Variants in SAXO4 observed in about 807,000 individuals in gnomAD.
SAXO4 encodes the protein stabilizer of axonemal microtubules 4.
the SAXO4 span, chr11:61,490,517 G>A: frequency 6.2e-7 from 1 of 1,614,108 alleles, no homozygotes; most frequent in South Asian, 1.1e-5. Flanking sequence ...GACCTCAGCT[G>A]ACCCCTTCTA....
the SAXO4 span, chr11:61,487,122 C>T: frequency 2.5e-6 from 4 of 1,611,746 alleles, no homozygotes; most frequent in Non-Finnish European, 3.4e-6. Context: ...CTTGACAATT[C>T]CCCTGTCTAC....
the SAXO4 span, chr11:61,482,353 C>A: frequency 2.2e-5 from 36 of 1,614,062 alleles, no homozygotes; most frequent in South Asian, 3.7e-4. Context: ...CACGTAGGCA[C>A]CGGCTACAAA....
chr11:61,481,810 A>G, the SAXO4 span: 1 of 1,515,166 alleles, frequency 6.6e-7, no homozygotes, highest in African/African-American at 1.5e-5. Context: ...CCACAGCATC[A>G]TGATGGGGAA....
chr11:61,486,671 G>A, the SAXO4 span: 1 of 1,485,224 alleles, frequency 6.7e-7, no homozygotes, highest in Non-Finnish European at 9.4e-7. Context: ...CTGGGAAGAG[G>A]TGGCATTTGG....
At chr11:61,481,992 C>A in the SAXO4 span, 2 of 1,057,342 alleles carry the variant, frequency 1.9e-6, no homozygotes, top group Non-Finnish European at 2.8e-6. Flanking sequence ...GAGGGAGGAG[C>A]AGACCCTCTG....
the SAXO4 span, chr11:61,488,993 G>A: frequency 6.6e-6 from 1 of 152,554 alleles, no homozygotes; most frequent in Non-Finnish European, 1.5e-5. Flanking sequence ...GAAAAGAGGG[G>A]AGGGCGGTGT....
At chr11:61,482,788 G>A in the SAXO4 span, 1 of 1,610,544 alleles carries the variant, frequency 6.2e-7, no homozygotes, top group Non-Finnish European at 8.5e-7. Flanking sequence ...GAAGCCCAGT[G>A]CGGGTCCCCC....
the SAXO4 span, chr11:61,486,490 A>G: frequency 6.2e-7 from 1 of 1,610,500 alleles, no homozygotes; most frequent in Non-Finnish European, 8.5e-7. Flanking sequence ...AGGCAGCCAC[A>G]TCCTGGTGCC....
chr11:61,489,432 G>A, the SAXO4 span: 2 of 550,310 alleles, frequency 3.6e-6, no homozygotes, highest in South Asian at 5.2e-5. Flanking sequence ...GGACCTGGCT[G>A]TGCTCAGTGA....
the SAXO4 span, chr11:61,486,896 TG>T: frequency 1.4e-6 from 2 of 1,472,822 alleles, no homozygotes. Context: ...CCATCCCTGC[TG>T]CCTCAGGCTG....
chr11:61,487,578 A>ACATC, the SAXO4 span, among the ~76,000 whole-genome samples: 1 of 152,194 alleles, frequency 6.6e-6, no homozygotes, highest in Non-Finnish European at 1.5e-5. Flanking sequence ...TTATACCCCC[A>ACATC]CATCCATCGG....
At chr11:61,486,544 GT>G in the SAXO4 span, 1 of 1,614,214 alleles carries the variant, frequency 6.2e-7, no homozygotes, top group Non-Finnish European at 8.5e-7. Flanking sequence ...TCCTACCTGT[GT>G]TGGCCAGAGG....
chr11:61,485,520 A>T, the SAXO4 span: 2 of 931,072 alleles, frequency 2.1e-6, no homozygotes, highest in Non-Finnish European at 3.2e-6. Flanking sequence ...AGAAAGAAGG[A>T]TGCACAGGTG....
the SAXO4 span, chr11:61,488,968 G>C: frequency 6.6e-6 from 1 of 152,556 alleles, no homozygotes; most frequent in East Asian, 1.9e-4. Flanking sequence ...AGCAGGTGAC[G>C]TTTGAACTGA....
the SAXO4 span, chr11:61,482,910 G>A: frequency 7.9e-7 from 1 of 1,258,536 alleles, no homozygotes; most frequent in South Asian, 1.6e-5. Flanking sequence ...AGGGCATGGA[G>A]CAGCCACCTT....
the SAXO4 span, chr11:61,482,498 G>A: frequency 3.2e-6 from 5 of 1,567,476 alleles, no homozygotes; most frequent in Non-Finnish European, 4.4e-6. Context: ...CCTTGGATGG[G>A]GACCCTGAGC....
At chr11:61,485,282 C>A in the SAXO4 span, 1 of 1,527,978 alleles carries the variant, frequency 6.5e-7, no homozygotes. Context: ...CGCCGCCACA[C>A]GCCTTCGGGG....
the SAXO4 span, among the ~76,000 whole-genome samples, chr11:61,483,454 C>A: frequency 6.6e-6 from 1 of 152,150 alleles, no homozygotes; most frequent in Non-Finnish European, 1.5e-5. Context: ...GCGTGAGCCA[C>A]TGCGCCCAGC....
At chr11:61,484,348 A>C in the SAXO4 span, among the ~76,000 whole-genome samples, 1 of 152,208 alleles carries the variant, frequency 6.6e-6, no homozygotes, top group Non-Finnish European at 1.5e-5. Flanking sequence ...AACTTGAGGG[A>C]GGCCAGCTCC....
Sources: allele counts gnomAD v4.1 joint callset (sites outside exome capture counted in the v4.1 genomes callset), GRCh38; gene constraint gnomAD v4.1.1; transcripts MANE v1.5; gene names NCBI Gene and HGNC (gene_info 2026-07-23, HGNC 2026-07-21).